PCDHGA9: variants seen among roughly 807,000 people sequenced by gnomAD.
PCDHGA9 encodes protocadherin gamma subfamily A, 9, also known as protocadherin gamma-A9.
Under a neutral mutation model 62.5 loss-of-function variants are expected in PCDHGA9, and 37 were observed. That is an observed-to-expected ratio of 0.59 (90% CI 0.46 to 0.78). PCDHGA9 has a LOEUF of 0.78. PCDHGA9 is among the 30% of genes least tolerant of loss of function. The pLI is 0.00. For missense variants in PCDHGA9, 1,138 were observed against 1,166.2 expected (o/e 0.98, Z 0.35); for synonymous variants, 459 against 484.6 (o/e 0.95, Z 0.69).
In PCDHGA9 at chr5:141,511,186, G is replaced by T; in HGVS notation, c.*13G>T. On this transcript the variant is annotated 3_prime_UTR_variant, in exon 4 of 4. Transcript: ENST00000573521. ...GGAGAAGAAGTAACATGGAGGCCAG[G>T]CCAAGAGCCACAGGGCGGCCTCTCC... 6.2e-7 allele frequency: 1 copy of T among 1,613,906 alleles called. No individual in the cohort carries two copies. The highest frequency in any genetic ancestry group is 2.2e-5 in the East Asian group (1 of 44,876).
chr5:141,422,028 A>C, intron 1 of PCDHGA9: 1 of 1,611,196 alleles, frequency 6.2e-7, no homozygotes, highest in Non-Finnish European at 8.5e-7. Flanking sequence ...TGGTTAATGC[A>C]ACGGATCCAG....
intron 3 of PCDHGA9, among the ~76,000 whole-genome samples, chr5:141,509,362 G>C (rs2099876497): frequency 6.6e-6 from 1 of 152,152 alleles, no homozygotes; most frequent in Non-Finnish European, 1.5e-5. Flanking sequence ...GCATCCCTGA[G>C]GTTTTAACTG....
chr5:141,505,546 C>T (rs555460173), intron 3 of PCDHGA9, 65 bp downstream of exon 3: 36 of 1,608,242 alleles, frequency 2.2e-5, no homozygotes, highest in South Asian at 7.7e-5. Context: ...CATCTCACAG[C>T]CACCATGCCC....
intron 3 of PCDHGA9, among the ~76,000 whole-genome samples, chr5:141,506,948 G>A (rs949082646): frequency 6.6e-6 from 1 of 152,162 alleles, no homozygotes; most frequent in Non-Finnish European, 1.5e-5. Flanking sequence ...TCCTGTCAAT[G>A]AATCCTCTCA....
chr5:141,492,740 C>T (rs1364102818), intron 1 of PCDHGA9, among the ~76,000 whole-genome samples: 1 of 152,238 alleles, frequency 6.6e-6, no homozygotes, highest in African/African-American at 2.4e-5. Context: ...GCCCAGTGGC[C>T]GAGGCGCGGC....
intron 3 of PCDHGA9, chr5:141,507,285 C>T (rs80317708): frequency 2.7e-5 from 4 of 150,212 alleles, no homozygotes; most frequent in African/African-American, 7.4e-5. Flanking sequence ...ATAAGTCAGT[C>T]TCAAATGTTG....
chr5:141,496,802 A>G (rs1483438160), intron 2 of PCDHGA9, among the ~76,000 whole-genome samples: 1 of 152,050 alleles, frequency 6.6e-6, no homozygotes, highest in Admixed American at 6.6e-5. Flanking sequence ...ACATTGGGCT[A>G]TAGGAGTGAA....
At chr5:141,450,565 C>T (rs1024229182) in intron 1 of PCDHGA9, among the ~76,000 whole-genome samples, 2 of 152,016 alleles carry the variant, frequency 1.3e-5, no homozygotes, top group Non-Finnish European at 2.9e-5. Context: ...CGGCTCACTG[C>T]AACTTCTGCC....
In PCDHGA9 at chr5:141,404,475, A is replaced by G; in HGVS notation, c.1523A>G (p.Asn508Ser). Residue 508 changes from asparagine (N) to serine (S), a missense_variant, in exon 1 of 4, where the codon AAC becomes AGC. Asn to Ser is a conservative substitution (Grantham distance 46). Transcript: ENST00000573521. ...GSPLSTYVSI[N>S]SDTGVLYALC... Reference sequence around the variant, plus strand: ...CCTCTCTCCACCTATGTCTCTATTAACTCAGACACTGGTGTGCTGTATGCT... The same window carrying G: ...CCTCTCTCCACCTATGTCTCTATTAGCTCAGACACTGGTGTGCTGTATGCT... 6.2e-7 allele frequency: 1 copy of G among 1,613,732 alleles called. No homozygotes were observed. The highest frequency in any genetic ancestry group is 8.5e-7 in the Non-Finnish European group (1 of 1,179,708).
At chr5:141,461,082 T>C (rs2099008648) in intron 1 of PCDHGA9, among the ~76,000 whole-genome samples, 1 of 152,070 alleles carries the variant, frequency 6.6e-6, no homozygotes, top group South Asian at 2.1e-4. Flanking sequence ...AATTGTGAAT[T>C]GTGCTGCTAT....
intron 1 of PCDHGA9, chr5:141,468,586 G>C (rs1232477889): frequency 1.3e-5 from 2 of 152,176 alleles, no homozygotes; most frequent in East Asian, 1.9e-4. Context: ...GGTACTAAAG[G>C]CTGGGCGCGG....
At chr5:141,408,608 A>C in intron 1 of PCDHGA9, 1 of 1,614,072 alleles carries the variant, frequency 6.2e-7, no homozygotes, top group South Asian at 1.1e-5. Context: ...ATTTGATAAA[A>C]AGGAAATACA....
chr5:141,491,148 G>A lies in PCDHGA9; in HGVS notation c.2425-3659G>A. The A allele has an allele frequency of 6.8e-6, 11 of 1,614,140 alleles. No homozygotes were observed. The highest frequency in any genetic ancestry group is 9.3e-6 in the Non-Finnish European group (11 of 1,179,990). The stretch of plus-strand genomic sequence containing the variant: ...TGCGCACAGCCCGGGCCTTACTGGA[G>A]GATGACTCTGACACCCAGCAGGTGG... On this transcript the variant is annotated intron_variant, in intron 1 of 3. Transcript: ENST00000573521. The surrounding 1 kb of genome is among the most constrained non-coding windows in gnomAD (Gnocchi z 6.9).
chr5:141,465,440 A>T (rs1478987071), intron 1 of PCDHGA9, among the ~76,000 whole-genome samples: 1 of 152,194 alleles, frequency 6.6e-6, no homozygotes, highest in Non-Finnish European at 1.5e-5. Flanking sequence ...CTTAATGATT[A>T]CCCAAGAAAA....
chr5:141,476,483 G>A lies in PCDHGA9; in HGVS notation c.2425-18324G>A. On this transcript the variant is annotated intron_variant, in intron 1 of 3. Coordinates refer to ENST00000573521, the MANE Select transcript of PCDHGA9 (RefSeq NM_018921.3). The surrounding 1 kb of genome is among the most constrained non-coding windows in gnomAD (Gnocchi z 7.6). The stretch of plus-strand genomic sequence containing the variant: ...CCCGCTGGAGCTGTTCAGCGTGGAA[G>A]TGGTGATCCAGGACATCAACGACAA... The A allele has an allele frequency of 3.1e-6, 5 of 1,614,166 alleles. No individual in the cohort carries two copies. Among genetic ancestry groups the A allele is most frequent in the Non-Finnish European group, 4.2e-6 (5 of 1,180,034 alleles).
rs2099405848 is a variant in PCDHGA9 at position 141,477,120 on chromosome 5, A to G, written c.2425-17687A>G. 2 of 1,614,118 alleles carry G rather than the reference A, an allele frequency of 1.2e-6. No homozygotes were observed. Among genetic ancestry groups the G allele is most frequent in the African/African-American group, 2.7e-5 (2 of 74,942 alleles). On this transcript the variant is annotated intron_variant, in intron 1 of 3. Transcript: ENST00000573521. This position sits in a 1 kb window ranked among gnomAD's most constrained non-coding sequence, Gnocchi z 4.9. ...AAGGGCGCCAATCCCGAAGGAGCAC[A>G]TTGCAAAGTGTTGGTGGAGGTTGTG...
chr5:141,410,544 G>T, intron 1 of PCDHGA9: 1 of 1,613,640 alleles, frequency 6.2e-7, no homozygotes, highest in Non-Finnish European at 8.5e-7. Flanking sequence ...GACATGGTTT[G>T]CAGTGTTTCT....
At chr5:141,435,435 T>G (rs2097763289) in intron 1 of PCDHGA9, among the ~76,000 whole-genome samples, 1 of 152,212 alleles carries the variant, frequency 6.6e-6, no homozygotes. Context: ...TGTTATGCAT[T>G]TCATTAATAC....
chr5:141,482,350 G>A lies in PCDHGA9; in HGVS notation c.2425-12457G>A, dbSNP rs184055854. ...AGAATATCTACTTTGCAAACTTGTT[G>A]TGAGAGTGAAAAGTAATGCATATAA... On this transcript the variant is annotated intron_variant, in intron 1 of 3. Coordinates refer to ENST00000573521, the MANE Select transcript of PCDHGA9 (RefSeq NM_018921.3). Among the ~76,000 whole-genome samples the A allele has an allele frequency of 5.3e-5, 8 of 152,200 alleles. No individual in the cohort carries two copies. In the East Asian group the frequency reaches 1.4e-3, roughly 26 times the overall value.
Sources: allele counts gnomAD v4.1 joint callset (sites outside exome capture counted in the v4.1 genomes callset), GRCh38; gene constraint gnomAD v4.1.1; non-coding constraint Gnocchi (gnomAD v3.1); transcripts MANE v1.5; gene names NCBI Gene and HGNC (gene_info 2026-07-23, HGNC 2026-07-21).